SCARA3: variants seen among roughly 807,000 people sequenced by gnomAD.
SCARA3 encodes cellular stress response gene protein.
SCARA3 carries 39 observed loss-of-function variants against 47.0 expected under a neutral mutation model. That is an observed-to-expected ratio of 0.83 (90% confidence interval 0.64 to 1.08). The LOEUF (loss-of-function observed/expected upper bound fraction) is 1.08, where lower values mean the gene tolerates loss of function less well. SCARA3 is among the 50% of genes least tolerant of loss of function. The probability of loss-of-function intolerance (pLI) is 0.00; values close to 1 mark genes in which losing one functional copy is unlikely to be tolerated. For synonymous variants in SCARA3, 356 were observed against 334.1 expected, an observed-to-expected ratio of 1.07 and a Z score of -0.71; for missense variants, 724 against 792.3, an observed-to-expected ratio of 0.91 and a Z score of 1.04.
intron 1 of SCARA3, among the ~76,000 whole-genome samples, chr8:27,644,647 A>G (rs1051762224): frequency 6.7e-6 from 1 of 148,330 alleles, no homozygotes; most frequent in East Asian, 2.0e-4. Flanking sequence ...AGAGAGAGAG[A>G]AGAGAGACAG....
chr8:27,637,182 C>T (rs1801271770), intron 1 of SCARA3, among the ~76,000 whole-genome samples: 1 of 152,248 alleles, frequency 6.6e-6, no homozygotes, highest in South Asian at 2.1e-4. Flanking sequence ...CCAGCCAAGC[C>T]ATTTCCACCC....
chr8:27,634,731 C>T lies in SCARA3; in HGVS notation c.7+524C>T, dbSNP rs199693002. On this transcript the variant is annotated intron_variant, in intron 1 of 5. Transcript: ENST00000301904. ...TTCCCAACCCCTGAACCCTGCCTGACCCACCCTCTGACCTCCTTGGGAGGA... is the reference window on the plus strand; with the variant it reads ...TTCCCAACCCCTGAACCCTGCCTGATCCACCCTCTGACCTCCTTGGGAGGA... 1.6e-4 allele frequency among the ~76,000 whole-genome samples: 25 copies of T among 152,318 alleles called. No individual in the cohort carries two copies. In the East Asian group the frequency reaches 4.6e-3, roughly 28 times the overall value.
downstream of SCARA3, among the ~76,000 whole-genome samples, chr8:27,675,389 C>G (rs1475274996): frequency 1.3e-5 from 2 of 152,228 alleles, no homozygotes; most frequent in African/African-American, 4.8e-5. Context: ...TGCTGAGCAG[C>G]CTGGCTGGGG....
At chr8:27,726,041 A>G in the SCARA3 span, among the ~76,000 whole-genome samples, 15 of 152,198 alleles carry the variant, frequency 9.9e-5, no homozygotes, top group African/African-American at 2.7e-4. Flanking sequence ...TCTTCTGTTT[A>G]GGGAGTCGCA....
chr8:27,634,324 G>A, intron 1 of SCARA3, 117 bp downstream of exon 1: 1 of 932,764 alleles, frequency 1.1e-6, no homozygotes, highest in Non-Finnish European at 1.4e-6. Flanking sequence ...GGGCGCCTCT[G>A]GCTTTTCCCC....
At chr8:27,687,547 A>T in the SCARA3 span, among the ~76,000 whole-genome samples, 1 of 152,180 alleles carries the variant, frequency 6.6e-6, no homozygotes, top group Non-Finnish European at 1.5e-5. Flanking sequence ...GCAGGAAGAG[A>T]ATGCATTGTC....
At chr8:27,661,829 A>G (rs1341900492) in intron 5 of SCARA3, among the ~76,000 whole-genome samples, 2 of 152,158 alleles carry the variant, frequency 1.3e-5, no homozygotes, top group Non-Finnish European at 2.9e-5. Flanking sequence ...GGGGTTGTTG[A>G]ATATTCCATT....
At chr8:27,706,832 A>T in the SCARA3 span, among the ~76,000 whole-genome samples, 1 of 152,092 alleles carries the variant, frequency 6.6e-6, no homozygotes, top group Non-Finnish European at 1.5e-5. Context: ...AGTGATACCT[A>T]TGAGAAAAGA....
intron 5 of SCARA3, among the ~76,000 whole-genome samples, chr8:27,669,094 G>A (rs1431193143): frequency 6.6e-6 from 1 of 152,210 alleles, no homozygotes; most frequent in East Asian, 1.9e-4. Context: ...GTACCAGGGA[G>A]CTGGGGACAA....
the SCARA3 span, among the ~76,000 whole-genome samples, chr8:27,727,652 A>T: frequency 6.6e-6 from 1 of 152,244 alleles, no homozygotes; most frequent in African/African-American, 2.4e-5. Context: ...TGGACAATGG[A>T]CAGCCCACAG....
Position 27,659,877 on chromosome 8 carries a change from AG to A in SCARA3, c.1369+339del, listed in dbSNP as rs1462156784. ...AAAAAAAAAAAAAAAAAAAAAAAAA[AG>A]AGAGAGAGAGAGAAAAGAAAAAAGG... is the stretch of plus-strand genomic sequence containing the variant. On this transcript the variant is annotated intron_variant, in intron 5 of 5. Transcript: ENST00000301904. Among the ~76,000 whole-genome samples, 301 of 68,262 alleles carry A rather than the reference AG, an allele frequency of 4.4e-3. 2 individuals are homozygous for A. The highest frequency in any genetic ancestry group is 0.01 in the African/African-American group (248 of 24,744). The allele number at this position is 68,262 out of a possible 152,430, so 44.8% of individuals were successfully genotyped here.
Position 27,658,549 on chromosome 8 carries a change from C to G in SCARA3, c.379C>G (p.Pro127Ala), listed in dbSNP as rs757525897. 6.2e-7 allele frequency: 1 copy of G among 1,613,638 alleles called. No individual in the cohort carries two copies. The highest frequency in any genetic ancestry group is 1.3e-5 in the African/African-American group (1 of 74,910). The change falls in exon 5 of 6, where the codon CCA (proline) becomes GCA (alanine). Residue 127 changes from proline (P) to alanine (A), a missense_variant. By Grantham distance (27) the Pro-to-Ala change is conservative. Transcript: ENST00000301904. ...SFCHEAGQLG[P>A]EIRKLQEELE... ...CTGCCATGAAGCTGGGCAGCTGGGG[C>G]CAGAGATCCGAAAACTGCAGGAGGA...
the SCARA3 span, among the ~76,000 whole-genome samples, chr8:27,694,518 AT>A: frequency 6.6e-6 from 1 of 152,200 alleles, no homozygotes; most frequent in East Asian, 1.9e-4. Flanking sequence ...GTAATGACAT[AT>A]TTTATCCTAT....
chr8:27,659,876 AAGAG>A (rs60317551), intron 5 of SCARA3, among the ~76,000 whole-genome samples: 8,972 of 90,286 alleles, frequency 0.099, 1,106 homozygotes, highest in South Asian at 0.19. Context: ...AAAAAAAAAA[AAGAG>A]AGAGAGAGAG....
the SCARA3 span, among the ~76,000 whole-genome samples, chr8:27,728,743 G>T: frequency 6.6e-6 from 1 of 152,186 alleles, no homozygotes; most frequent in Non-Finnish European, 1.5e-5. Flanking sequence ...ACAGTTCTTG[G>T]CTGGGCGGGA....
chr8:27,643,556 G>A (rs562336891), intron 1 of SCARA3, among the ~76,000 whole-genome samples: 23 of 152,346 alleles, frequency 1.5e-4, no homozygotes, highest in African/African-American at 4.8e-4. Context: ...CCTGTGGAGA[G>A]GGGGTAGTGG....
Position 27,672,518 on chromosome 8 carries a change from C to T in SCARA3, c.*1167C>T, listed in dbSNP as rs1303834139. ...TTGCAACAGGGCAGCTCTCGCCTCC[C>T]GCACACGGCTCTCCTGATCACAGCT... On this transcript the variant is annotated 3_prime_UTR_variant, in exon 6 of 6. Transcript: ENST00000301904. 6.1e-6 allele frequency: 6 copies of T among 985,644 alleles called. No homozygotes were observed. Among genetic ancestry groups the T allele is most frequent in the African/African-American group, 1.7e-5 (1 of 57,258 alleles). 61.1% of individuals were successfully genotyped at this position (985,644 alleles called of 1,614,324 possible).
chr8:27,652,336 C>T (rs985322686), intron 3 of SCARA3, among the ~76,000 whole-genome samples: 50 of 152,200 alleles, frequency 3.3e-4, no homozygotes, highest in African/African-American at 1.2e-3. Flanking sequence ...CTTGTTACAA[C>T]AAATTTGATG....
the SCARA3 span, among the ~76,000 whole-genome samples, chr8:27,727,093 A>C: frequency 1.3e-5 from 2 of 151,994 alleles, no homozygotes; most frequent in Non-Finnish European, 2.9e-5. Context: ...TTTATTTTAA[A>C]ATGAAATGGG....
Sources: gnomAD v4.1 joint callset for allele counts (sites outside exome capture counted in the v4.1 genomes callset) on GRCh38, gnomAD v4.1.1 for gene constraint, MANE v1.5 for transcripts, NCBI Gene and HGNC (gene_info 2026-07-23, HGNC 2026-07-21) for gene names.